The following PTPRK variants were observed in gnomAD, a reference collection of about 807,000 sequenced individuals.
PTPRK encodes the protein protein tyrosine phosphatase receptor type K.
A neutral mutation model predicts 178.0 loss-of-function variants in PTPRK; 75 were observed. The observed-to-expected ratio is 0.42, with a 90% CI of 0.35 to 0.51. The LOEUF is 0.51. Ranked by LOEUF, PTPRK falls within the 20% of genes least tolerant of loss-of-function variation. PTPRK has a pLI of 0.02. For missense variants in PTPRK, 1,441 were observed against 1,797.8 expected, an observed-to-expected ratio of 0.80 and a Z score of 3.59; for synonymous variants, 637 against 620.6, an observed-to-expected ratio of 1.03 and a Z score of -0.39.
intron 21 of PTPRK, among the ~76,000 whole-genome samples, chr6:127,989,491 T>G (rs1776357699): frequency 6.6e-6 from 1 of 151,994 alleles, no homozygotes; most frequent in African/African-American, 2.4e-5. Context: ...TTTATGGTTA[T>G]CTATAAGTTT....
At chr6:128,359,748 G>T (rs1420827606) in intron 2 of PTPRK, among the ~76,000 whole-genome samples, 1 of 151,342 alleles carries the variant, frequency 6.6e-6, no homozygotes, top group Non-Finnish European at 1.5e-5. Context: ...GCGAAACTCG[G>T]TCTCAAAAAT....
intron 7 of PTPRK, among the ~76,000 whole-genome samples, chr6:128,145,210 C>G (rs960762098): frequency 6.6e-6 from 1 of 151,972 alleles, no homozygotes; most frequent in South Asian, 2.1e-4. Context: ...ACTACTGTTC[C>G]TTAAAAATTT....
chr6:128,071,479 C>G lies in PTPRK; in HGVS notation c.1884-3687G>C, dbSNP rs575487030. Among the ~76,000 whole-genome samples the G allele has an allele frequency of 6.6e-5, 10 of 152,148 alleles. No homozygotes were observed. In the South Asian group the frequency reaches 1.2e-3, roughly 19 times the overall value. Reference sequence around the variant, plus strand: ...GTTTAAAATCTTGATATACACCTGTCTGCTGTACTGCTGTCTTTCTGTTCT... The same window carrying G: ...GTTTAAAATCTTGATATACACCTGTGTGCTGTACTGCTGTCTTTCTGTTCT... On this transcript the variant is annotated intron_variant, in intron 11 of 29. Transcript: ENST00000368226.
intron 13 of PTPRK, chr6:128,061,965 C>A (rs2114917826): frequency 6.6e-6 from 1 of 152,252 alleles, no homozygotes; most frequent in South Asian, 2.1e-4. Flanking sequence ...TACATATGCA[C>A]CTGTGAAATA....
intron 15 of PTPRK, among the ~76,000 whole-genome samples, chr6:127,999,545 A>T (rs1185930991): frequency 6.6e-6 from 1 of 151,992 alleles, no homozygotes; most frequent in Non-Finnish European, 1.5e-5. Context: ...TTGCAAATGT[A>T]TTTTGAGTCT....
intron 6 of PTPRK, among the ~76,000 whole-genome samples, chr6:128,215,344 CT>C (rs1809081108): frequency 6.6e-6 from 1 of 152,250 alleles, no homozygotes; most frequent in African/African-American, 2.4e-5. Context: ...AAAGTTGGTG[CT>C]TTCAGTTTGA....
intron 6 of PTPRK, among the ~76,000 whole-genome samples, chr6:128,208,688 A>T (rs2128263453): frequency 6.6e-6 from 1 of 152,316 alleles, no homozygotes; most frequent in South Asian, 2.1e-4. Context: ...GAAAAATTCC[A>T]ATAATATAGG....
In PTPRK at chr6:127,981,298, A is replaced by G. The variant is rs762197985; in HGVS notation, c.3538-9T>C. On this transcript the variant is annotated splice_polypyrimidine_tract_variant and intron_variant, in intron 24 of 29. Transcript: ENST00000368226. ...GTGACTGAATTCAGAGTCTAAAAAG[A>G]AAAGAGAACCCAGGTTAAAAGACAG... is the stretch of plus-strand genomic sequence containing the variant. 4 of 1,610,894 alleles carry G rather than the reference A, an allele frequency of 2.5e-6. No homozygotes were observed. In the South Asian group the frequency reaches 3.3e-5, roughly 13 times the overall value.
chr6:128,365,913 G>A (rs1835417204), intron 2 of PTPRK, among the ~76,000 whole-genome samples: 1 of 152,090 alleles, frequency 6.6e-6, no homozygotes, highest in Non-Finnish European at 1.5e-5. Flanking sequence ...TAATACTTGT[G>A]ACACAGTCTC....
At chr6:128,258,636 GA>G (rs1817706304) in intron 3 of PTPRK, among the ~76,000 whole-genome samples, 1 of 152,168 alleles carries the variant, frequency 6.6e-6, no homozygotes, top group Admixed American at 6.5e-5. Context: ...TAGTATGGAA[GA>G]AAGACACTAA....
chr6:128,041,508 T>C (rs1034484394), intron 13 of PTPRK, among the ~76,000 whole-genome samples: 3 of 152,038 alleles, frequency 2.0e-5, no homozygotes, highest in African/African-American at 4.8e-5. Context: ...TTTAATACTT[T>C]TTCCCTGCAA....
chr6:128,519,261 A>T lies in PTPRK; in HGVS notation c.100+998T>A, dbSNP rs1858598247. ...AGCCCCCAGAGGAGAGAACGAAAGA[A>T]GCAACCAACCTACACGAAGGATAAC... On this transcript the variant is annotated intron_variant, in intron 1 of 29. Transcript: ENST00000368226. The surrounding 1 kb of genome is among the most constrained non-coding windows in gnomAD (Gnocchi z 4.3). 2.6e-6 allele frequency: 1 copy of T among 380,040 alleles called. No individual in the cohort carries two copies. Among genetic ancestry groups the T allele is most frequent in the Non-Finnish European group, 5.2e-6 (1 of 193,818 alleles). The allele number at this position is 380,040 out of a possible 1,614,324, so 23.5% of individuals were successfully genotyped here.
At chr6:128,267,004 GTTA>G (rs1819059035) in intron 3 of PTPRK, among the ~76,000 whole-genome samples, 2 of 152,006 alleles carry the variant, frequency 1.3e-5, no homozygotes, top group African/African-American at 4.8e-5. Context: ...ATTGAACATT[GTTA>G]TTAATCTCAT....
intron 1 of PTPRK, among the ~76,000 whole-genome samples, chr6:128,503,139 T>A (rs1855806000): frequency 6.6e-6 from 1 of 152,118 alleles, no homozygotes; most frequent in Non-Finnish European, 1.5e-5. Flanking sequence ...GGCAGGAGAA[T>A]CACTTGAAGC....
intron 6 of PTPRK, among the ~76,000 whole-genome samples, chr6:128,191,802 T>C (rs549146550): frequency 1.3e-5 from 2 of 152,308 alleles, no homozygotes; most frequent in Admixed American, 1.3e-4. Flanking sequence ...ATTTTAACAA[T>C]GCTGAAAATA....
intron 7 of PTPRK, among the ~76,000 whole-genome samples, chr6:128,108,711 A>G (rs1790135708): frequency 6.6e-6 from 1 of 152,138 alleles, no homozygotes; most frequent in African/African-American, 2.4e-5. Context: ...GGGCTTCCAT[A>G]AACTATCATA....
At chr6:128,256,590 A>G (rs1344260101) in intron 3 of PTPRK, among the ~76,000 whole-genome samples, 1 of 151,764 alleles carries the variant, frequency 6.6e-6, no homozygotes, top group Non-Finnish European at 1.5e-5. Context: ...GTTGCATGCC[A>G]CCACACCTGG....
intron 7 of PTPRK, among the ~76,000 whole-genome samples, chr6:128,131,097 G>A (rs535059340): frequency 6.6e-6 from 1 of 152,296 alleles, no homozygotes; most frequent in East Asian, 1.9e-4. Flanking sequence ...TGAAAGGGGT[G>A]TGGTACATTG....
At chr6:128,444,450 T>G (rs1344618280) in intron 1 of PTPRK, among the ~76,000 whole-genome samples, 1 of 152,182 alleles carries the variant, frequency 6.6e-6, no homozygotes, top group Non-Finnish European at 1.5e-5. Context: ...CCAACCCTGC[T>G]TCTGTGGCTA....
Sources: allele counts gnomAD v4.1 joint callset (sites outside exome capture counted in the v4.1 genomes callset), GRCh38; gene constraint gnomAD v4.1.1; non-coding constraint Gnocchi (gnomAD v3.1); transcripts MANE v1.5; gene names NCBI Gene and HGNC (gene_info 2026-07-23, HGNC 2026-07-21).